The following LARGE1 variants were observed in gnomAD, a reference collection of about 807,000 sequenced individuals.
LARGE1 encodes the protein LARGE xylosyl- and glucuronyltransferase 1, also known as xylosyl- and glucuronyltransferase LARGE1.
LARGE1 carries 43 observed loss-of-function variants against 87.6 expected under a neutral mutation model. The ratio of observed to expected loss-of-function variants is 0.49; its 90% CI spans 0.38 to 0.63. LARGE1 has a LOEUF of 0.63. LARGE1 is among the 30% of genes least tolerant of loss of function. LARGE1 has a pLI of 0.00. For synonymous variants in LARGE1, 434 were observed against 394.6 expected, an observed-to-expected ratio of 1.10 and a Z score of -1.18; for missense variants, 802 against 1,000.2, an observed-to-expected ratio of 0.80 and a Z score of 2.67.
chr22:33,450,760 A>G (rs1225233780), intron 6 of LARGE1, among the ~76,000 whole-genome samples: 1 of 152,204 alleles, frequency 6.6e-6, no homozygotes, highest in Non-Finnish European at 1.5e-5. Context: ...GATATTCCCA[A>G]GATCACACAG....
At chr22:33,754,502 A>AT (rs750678824) in intron 2 of LARGE1, among the ~76,000 whole-genome samples, 3 of 151,306 alleles carry the variant, frequency 2.0e-5, no homozygotes, top group Non-Finnish European at 4.4e-5. Flanking sequence ...CGCCCGGCTA[A>AT]TTTTTTTGTA....
intron 2 of LARGE1, among the ~76,000 whole-genome samples, chr22:33,722,449 G>A (rs1366134449): frequency 6.6e-6 from 1 of 152,190 alleles, no homozygotes; most frequent in Non-Finnish European, 1.5e-5. Context: ...TAAGGTCAAT[G>A]ATGTGGTGAT....
intron 1 of LARGE1, among the ~76,000 whole-genome samples, chr22:33,891,622 G>A (rs1411810882): frequency 6.6e-6 from 1 of 152,242 alleles, no homozygotes; most frequent in East Asian, 1.9e-4. Flanking sequence ...ATCATGAGGA[G>A]GATTACATGA....
intron 11 of LARGE1, among the ~76,000 whole-genome samples, chr22:33,186,460 C>A (rs1376320095): frequency 6.6e-6 from 1 of 152,054 alleles, no homozygotes; most frequent in Non-Finnish European, 1.5e-5. Context: ...TCATAATGTA[C>A]CTCCCAGCGA....
At chr22:33,784,982 C>T (rs1285031113) in intron 1 of LARGE1, among the ~76,000 whole-genome samples, 1 of 150,386 alleles carries the variant, frequency 6.6e-6, no homozygotes, top group Admixed American at 6.6e-5. Context: ...TGTATACATA[C>T]ATATGTGTAC....
At chr22:33,294,992 T>C (rs1188071002) in intron 12 of LARGE1, among the ~76,000 whole-genome samples, 2 of 152,196 alleles carry the variant, frequency 1.3e-5, no homozygotes, top group African/African-American at 2.4e-5. Context: ...ATAATGGGAA[T>C]AAAAGCACTT....
At chr22:33,528,283 G>A (rs532629908) in intron 6 of LARGE1, among the ~76,000 whole-genome samples, 5 of 152,136 alleles carry the variant, frequency 3.3e-5, no homozygotes, top group Non-Finnish European at 5.9e-5. Context: ...TATTCTAACA[G>A]GCTGGGGACT....
intron 2 of LARGE1, among the ~76,000 whole-genome samples, chr22:33,712,214 G>A (rs1219960602): frequency 1.3e-5 from 2 of 151,956 alleles, no homozygotes; most frequent in East Asian, 3.9e-4. Context: ...CCCTGGGGAT[G>A]GGGGAAAAAA....
At chr22:33,654,081 C>G (rs1475028502) in intron 2 of LARGE1, among the ~76,000 whole-genome samples, 1 of 152,276 alleles carries the variant, frequency 6.6e-6, no homozygotes, top group East Asian at 1.9e-4. Context: ...CTGCTTTAGA[C>G]CCCAAATGGT....
At chr22:33,369,717 C>T (rs1180803845) in intron 9 of LARGE1, among the ~76,000 whole-genome samples, 1 of 152,118 alleles carries the variant, frequency 6.6e-6, no homozygotes, top group Admixed American at 6.5e-5. Context: ...TACAGGTGCA[C>T]ATCACCACAC....
chr22:33,289,999 G>A (rs573921003), intron 12 of LARGE1, among the ~76,000 whole-genome samples: 1 of 152,122 alleles, frequency 6.6e-6, no homozygotes. Context: ...GTAGGGGTGG[G>A]TGCAGATGGT....
intron 6 of LARGE1, among the ~76,000 whole-genome samples, chr22:33,473,181 T>C (rs1002028284): frequency 4.0e-5 from 6 of 151,860 alleles, no homozygotes; most frequent in East Asian, 1.9e-4. Context: ...TTTTTTTTTT[T>C]CTTTGAGATG....
intron 10 of LARGE1, among the ~76,000 whole-genome samples, chr22:33,333,165 G>A (rs919182908): frequency 1.2e-4 from 18 of 152,060 alleles, no homozygotes; most frequent in African/African-American, 3.9e-4. Flanking sequence ...CACTACAGGC[G>A]CCCACCACCA....
At chr22:33,175,959 T>C (rs1358286359) in intron 11 of LARGE1, among the ~76,000 whole-genome samples, 1 of 152,078 alleles carries the variant, frequency 6.6e-6, no homozygotes, top group Non-Finnish European at 1.5e-5. Context: ...AACAGATACA[T>C]AGACCAATGG....
At chr22:33,315,217 C>G (rs76499897) in intron 11 of LARGE1, among the ~76,000 whole-genome samples, 2,824 of 152,222 alleles carry the variant, frequency 0.019, 122 homozygotes, top group East Asian at 0.19. Flanking sequence ...AAAACAATGC[C>G]AAGGGCTCTA....
At chr22:33,437,313 A>T (rs2067305869) in intron 6 of LARGE1, among the ~76,000 whole-genome samples, 1 of 152,164 alleles carries the variant, frequency 6.6e-6, no homozygotes, top group Non-Finnish European at 1.5e-5. Context: ...GAGTACAGTA[A>T]AGTGGTGAAG....
intron 4 of LARGE1, among the ~76,000 whole-genome samples, chr22:33,609,964 C>T (rs1342264274): frequency 2.0e-5 from 3 of 151,980 alleles, no homozygotes; most frequent in Non-Finnish European, 1.5e-5. Context: ...ATGTGATGTA[C>T]CTGTTCCTGC....
At position 33,766,913 on chromosome 22, in the gene LARGE1, C is replaced by CATATAT. The variant is rs34406131; in HGVS notation, c.-82-5361_-82-5356dup. Among the ~76,000 whole-genome samples the CATATAT allele has an allele frequency of 7.9e-4, 88 of 111,734 alleles. 1 individual carries two copies. Among genetic ancestry groups the CATATAT allele is most frequent in the Non-Finnish European group, 1.3e-3 (69 of 54,648 alleles). The allele number at this position is 111,734 out of a possible 152,430, so 73.3% of individuals were successfully genotyped here. A position where few individuals can be genotyped will look rare whatever the true frequency, so the allele number is the denominator to read the frequency against. ...AGAATATGACTAATTTAAACATATACATATATATATATATATATATATATA... is the reference window on the plus strand; with the variant it reads ...AGAATATGACTAATTTAAACATATACATATATATATATATATATATATATATATATA... On this transcript the variant is annotated intron_variant, in intron 1 of 14. Transcript: ENST00000397394.
chr22:33,803,208 A>T (rs1173076441), intron 1 of LARGE1, among the ~76,000 whole-genome samples: 3 of 152,028 alleles, frequency 2.0e-5, no homozygotes, highest in African/African-American at 7.3e-5. Flanking sequence ...CATTTCCCTC[A>T]ATGTTCTAGG....
Sources: allele counts gnomAD v4.1 joint callset (sites outside exome capture counted in the v4.1 genomes callset), GRCh38; gene constraint gnomAD v4.1.1; transcripts MANE v1.5; gene names NCBI Gene and HGNC (gene_info 2026-07-23, HGNC 2026-07-21).